The following KIAA0825 variants were observed in gnomAD, a reference collection of about 807,000 sequenced individuals.
The protein encoded by KIAA0825 is uncharacterized protein KIAA0825.
Under a neutral mutation model 147.6 loss-of-function variants are expected in KIAA0825, and 119 were observed. That is an observed-to-expected ratio of 0.81 (90% CI 0.69 to 0.94). The LOEUF is 0.94. Ranked by LOEUF, KIAA0825 falls within the 40% of genes least tolerant of loss-of-function variation. The pLI, the probability that KIAA0825 is intolerant of heterozygous loss-of-function variation, is 0.00. For synonymous variants in KIAA0825, 470 were observed against 518.1 expected (o/e 0.91, Z 1.26); for missense variants, 1,381 against 1,472.7 (o/e 0.94, Z 1.02).
At chr5:94,169,604 A>T (rs1768415047) in intron 20 of KIAA0825, among the ~76,000 whole-genome samples, 1 of 151,912 alleles carries the variant, frequency 6.6e-6, no homozygotes, top group South Asian at 2.1e-4. Flanking sequence ...TTCAGGAGAA[A>T]ATGACAACTT....
intron 13 of KIAA0825, among the ~76,000 whole-genome samples, chr5:94,446,308 G>A (rs1192623302): frequency 6.6e-6 from 1 of 152,118 alleles, no homozygotes; most frequent in Non-Finnish European, 1.5e-5. Context: ...ATAGAATTTA[G>A]TGGAGGACAC....
intron 20 of KIAA0825, among the ~76,000 whole-genome samples, chr5:94,294,317 A>G (rs1562353698): frequency 6.6e-6 from 1 of 152,200 alleles, no homozygotes; most frequent in Non-Finnish European, 1.5e-5. Context: ...CTTGTAAGGC[A>G]GGCCTGGTGG....
At chr5:94,464,204 T>C (rs1178738370) in intron 11 of KIAA0825, among the ~76,000 whole-genome samples, 1 of 152,012 alleles carries the variant, frequency 6.6e-6, no homozygotes, top group Non-Finnish European at 1.5e-5. Context: ...TTTCTTCATA[T>C]ACATACAAGA....
At chr5:94,541,813 T>G (rs1295372033) in intron 2 of KIAA0825, among the ~76,000 whole-genome samples, 1 of 152,242 alleles carries the variant, frequency 6.6e-6, no homozygotes, top group Non-Finnish European at 1.5e-5. Flanking sequence ...ACATTTAGCT[T>G]ATTTAGTATA....
chr5:94,577,184 T>G (rs1781214205), intron 2 of KIAA0825, among the ~76,000 whole-genome samples: 3 of 152,214 alleles, frequency 2.0e-5, no homozygotes, highest in Non-Finnish European at 4.4e-5. Flanking sequence ...ACATTTATGA[T>G]CATTTTATAG....
rs1255629738 is a variant in KIAA0825 at position 94,520,543 on chromosome 5, C to T, written c.675G>A (p.Trp225Ter). ...IQNKLLANLL[W>*]NCFPSYNRDS... ...CTCTGTTGTAAGAAGGAAAGCAGTT[C>T]CACAGAAGATTAGCCAACAGTTTAT... Residue 225 changes from tryptophan to a stop codon, truncating the protein, a stop_gained, in exon 5 of 21, where the codon TGG becomes TGA. Transcript: ENST00000682413. LOFTEE classifies it high-confidence loss of function. The T allele has an allele frequency of 3.1e-6, 5 of 1,613,168 alleles. No individual in the cohort carries two copies. In the South Asian group the frequency reaches 4.4e-5, roughly 14 times the overall value.
chr5:94,462,444 C>T lies in KIAA0825; in HGVS notation c.2189G>A (p.Cys730Tyr), dbSNP rs894894042. 2.7e-6 allele frequency: 4 copies of T among 1,506,812 alleles called. No individual in the cohort carries two copies. The African/African-American group carries it at 4.2e-5, about 16-fold the overall frequency. 93.3% of individuals were successfully genotyped at this position (1,506,812 alleles called of 1,614,324 possible). Residue 730 changes from cysteine (C) to tyrosine (Y), a missense_variant, in exon 12 of 21, where the codon TGT becomes TAT. Transcript: ENST00000682413. ...DDKIFKIHTHCNNLFTTLVIL... is the reference protein window; with the variant it reads ...DDKIFKIHTHYNNLFTTLVIL... The stretch of plus-strand genomic sequence containing the variant: ...GACTAATGTTGTAAACAGATTATTA[C>T]AATGAGTGTGAATTTTAAAAATTTT...
At chr5:94,387,189 G>A (rs1749268322) in intron 18 of KIAA0825, among the ~76,000 whole-genome samples, 2 of 152,138 alleles carry the variant, frequency 1.3e-5, no homozygotes, top group Non-Finnish European at 2.9e-5. Context: ...ATGTTCTTGT[G>A]ATGTTTCATG....
chr5:94,319,248 C>T (rs73139395), intron 20 of KIAA0825, among the ~76,000 whole-genome samples: 1,540 of 151,960 alleles, frequency 0.01, 28 homozygotes, highest in African/African-American at 0.035. Flanking sequence ...TTTTCTCCTA[C>T]TCCAGTGACC....
chr5:94,306,509 T>C lies in KIAA0825; in HGVS notation c.3710+77859A>G, dbSNP rs184896010. 1.7e-3 allele frequency among the ~76,000 whole-genome samples: 254 copies of C among 151,956 alleles called. 3 individuals are homozygous for C. The highest frequency in any genetic ancestry group is 6.0e-3 in the African/African-American group (248 of 41,500). On this transcript the variant is annotated intron_variant, in intron 20 of 20. Transcript: ENST00000682413. ...CGGGAGAAATGTCACATTAGAACTT[T>C]TGATGAATATGAAATACTTTACTTT...
At chr5:94,448,200 C>T (rs575822779) in intron 13 of KIAA0825, among the ~76,000 whole-genome samples, 9 of 150,784 alleles carry the variant, frequency 6.0e-5, no homozygotes, top group Admixed American at 3.3e-4. Flanking sequence ...AATCAACTCA[C>T]GTTGTTAGCC....
intron 5 of KIAA0825, among the ~76,000 whole-genome samples, chr5:94,488,083 C>A (rs976508287): frequency 6.6e-6 from 1 of 152,186 alleles, no homozygotes; most frequent in Non-Finnish European, 1.5e-5. Context: ...GCCACCAAAC[C>A]CGGCTAATTT....
chr5:94,159,124 T>A (rs1398368902), intron 20 of KIAA0825, among the ~76,000 whole-genome samples: 1 of 152,134 alleles, frequency 6.6e-6, no homozygotes, highest in Non-Finnish European at 1.5e-5. Context: ...ATACAGTTGT[T>A]GCAGCTTCAG....
intron 3 of KIAA0825, among the ~76,000 whole-genome samples, chr5:94,530,750 T>TAAGAGGA (rs1770630039): frequency 6.6e-6 from 1 of 152,136 alleles, no homozygotes; most frequent in African/African-American, 2.4e-5. Flanking sequence ...GCTCCAGTCC[T>TAAGAGGA]CTTATAGTGT....
intron 2 of KIAA0825, among the ~76,000 whole-genome samples, chr5:94,571,016 C>T (rs539025831): frequency 9.7e-4 from 148 of 152,254 alleles, no homozygotes; most frequent in African/African-American, 3.5e-3. Context: ...CATATTTGTA[C>T]TTGACAACTA....
chr5:94,376,762 C>G (rs1747637834), intron 20 of KIAA0825, among the ~76,000 whole-genome samples: 1 of 152,090 alleles, frequency 6.6e-6, no homozygotes, highest in Admixed American at 6.6e-5. Context: ...AAACAATTTT[C>G]TAGGGAACAG....
At chr5:94,483,475 C>T (rs1233431643) in intron 6 of KIAA0825, among the ~76,000 whole-genome samples, 1 of 151,878 alleles carries the variant, frequency 6.6e-6, no homozygotes, top group Non-Finnish European at 1.5e-5. Context: ...GGATATCATA[C>T]TTCTCTATTC....
chr5:94,337,404 C>T (rs1781926236), intron 20 of KIAA0825, among the ~76,000 whole-genome samples: 1 of 152,118 alleles, frequency 6.6e-6, no homozygotes, highest in Admixed American at 6.6e-5. Flanking sequence ...TTCCTTTGTT[C>T]TTACCCTACC....
intron 4 of KIAA0825, among the ~76,000 whole-genome samples, 168 bp from the exon 5 acceptor site, chr5:94,521,085 T>C (rs1768098781): frequency 2.0e-5 from 3 of 151,866 alleles, no homozygotes. Context: ...TTTTAGAATG[T>C]TAGCTTTTAT....
Sources: gnomAD v4.1 joint callset for allele counts (sites outside exome capture counted in the v4.1 genomes callset) on GRCh38, gnomAD v4.1.1 for gene constraint, MANE v1.5 for transcripts, NCBI Gene and HGNC (gene_info 2026-07-23, HGNC 2026-07-21) for gene names.